SCN3A: variants seen among roughly 807,000 people sequenced by gnomAD.
SCN3A encodes sodium channel protein type 3 subunit alpha.
In SCN3A, 60 loss-of-function variants were observed where a neutral mutation model predicts 187.6. The observed-to-expected ratio is 0.32, with a 90% CI of 0.26 to 0.40. The LOEUF (loss-of-function observed/expected upper bound fraction) is 0.40, where lower values mean the gene tolerates loss of function less well. SCN3A is among the 10% of genes least tolerant of loss of function. The pLI is 1.00. For missense variants in SCN3A, 1,601 were observed against 2,428.2 expected (o/e 0.66, Z 7.16); for synonymous variants, 788 against 829.2 (o/e 0.95, Z 0.85).
At position 165,088,119 on chromosome 2, in the gene SCN3A, C is replaced by G. The variant is rs1057139581; in HGVS notation, c.*2031G>C. On this transcript the variant is annotated 3_prime_UTR_variant, in exon 28 of 28. Transcript: ENST00000283254. The stretch of plus-strand genomic sequence containing the variant: ...ACAGCAAAAAACAAAAACAAAAAAC[C>G]CCAGAGGCCAATAAGTGAAATGCAA... 1 of 152,224 alleles carries G rather than the reference C, an allele frequency of 6.6e-6. No homozygotes were observed. The highest frequency in any genetic ancestry group is 1.5e-5 in the Non-Finnish European group (1 of 67,892). The allele number at this position is 152,224 out of a possible 1,614,324, so 9.4% of individuals were successfully genotyped here.
chr2:165,181,472 CA>C (rs1248619143), intron 2 of SCN3A, among the ~76,000 whole-genome samples: 9 of 151,986 alleles, frequency 5.9e-5, no homozygotes, highest in Admixed American at 2.6e-4. Flanking sequence ...ATATAATATC[CA>C]AAAATCGCAT....
At chr2:165,137,819 C>T (rs1182681979) in intron 15 of SCN3A, 60 bp downstream of exon 15, 3 of 1,276,758 alleles carry the variant, frequency 2.3e-6, no homozygotes, top group African/African-American at 2.9e-5. Context: ...TACATCTTTC[C>T]CTTTGGTCTA....
intron 25 of SCN3A, 126 bp downstream of exon 25, chr2:165,095,385 C>T (rs1333959223): frequency 4.0e-6 from 4 of 991,270 alleles, no homozygotes; most frequent in South Asian, 3.0e-5. Context: ...TAAATAACCA[C>T]ATGGGCAACT....
intron 21 of SCN3A, among the ~76,000 whole-genome samples, chr2:165,102,650 G>A (rs941226022): frequency 6.6e-6 from 1 of 152,200 alleles, no homozygotes; most frequent in Non-Finnish European, 1.5e-5. Flanking sequence ...ATTGTGTGTT[G>A]TTAGAGAAGC....
rs779886421 is a variant in SCN3A, at chr2:165,182,526, G to C, written c.-51+4025C>G. On this transcript the variant is annotated intron_variant, in intron 2 of 27. Coordinates refer to ENST00000283254, the MANE Select transcript of SCN3A (RefSeq NM_006922.4). Reference sequence around the variant, plus strand: ...AAGTTAGGGAGAAAAACCACAGCCAGAGGAGTGTATTTAATGCACAAGTAT... The same window carrying C: ...AAGTTAGGGAGAAAAACCACAGCCACAGGAGTGTATTTAATGCACAAGTAT... Among the ~76,000 whole-genome samples, 31 of 152,176 alleles carry C rather than the reference G, an allele frequency of 2.0e-4. 1 individual carries two copies. The highest frequency in any genetic ancestry group is 3.4e-4 in the Non-Finnish European group (23 of 68,030).
intron 18 of SCN3A, among the ~76,000 whole-genome samples, chr2:165,124,516 T>C (rs1310691016): frequency 6.6e-6 from 1 of 152,160 alleles, no homozygotes; most frequent in Non-Finnish European, 1.5e-5. Context: ...ACTTTATAAT[T>C]ACTTATTTGA....
intron 23 of SCN3A, among the ~76,000 whole-genome samples, chr2:165,096,834 GAC>G (rs1685384763): frequency 6.6e-6 from 1 of 151,916 alleles, no homozygotes; most frequent in South Asian, 2.1e-4. Context: ...TTTGCATTTT[GAC>G]ACATAGTAGA....
intron 10 of SCN3A, 52 bp downstream of exon 10, chr2:165,155,710 T>G: frequency 6.2e-7 from 1 of 1,608,236 alleles, no homozygotes; most frequent in Non-Finnish European, 8.5e-7. Context: ...ATGCTTTTCA[T>G]TTCATACATG....
In SCN3A at chr2:165,163,622, A is replaced by G; in HGVS notation, c.690T>C (p.Ile230=). 6.2e-7 allele frequency: 1 copy of G among 1,613,998 alleles called. No individual in the cohort carries two copies. Among genetic ancestry groups the G allele is most frequent in the African/African-American group, 1.3e-5 (1 of 75,032 alleles). Residue 230 remains isoleucine (I), a synonymous_variant, in exon 7 of 28, where the codon ATT becomes ATC. Coordinates refer to ENST00000283254, the MANE Select transcript of SCN3A (RefSeq NM_006922.4). ...GGTGTTTAACCTAGCTCTCACCTGG[A>G]ATGACTGAAATTGTTTTCAGTGCTC... is the stretch of plus-strand genomic sequence containing the variant. The part of the protein sequence containing the change: ...VLRALKTISV[I]PGLKTIVGAL...
At chr2:165,162,165 G>A in intron 9 of SCN3A, 143 bp downstream of exon 9, 1 of 745,482 alleles carries the variant, frequency 1.3e-6, no homozygotes, top group South Asian at 1.8e-5. Flanking sequence ...CGGTAAGGCA[G>A]ACAAGGCACT....
At chr2:165,095,066 TA>T (rs570236709) in intron 25 of SCN3A, among the ~76,000 whole-genome samples, 5 of 151,078 alleles carry the variant, frequency 3.3e-5, no homozygotes, top group Non-Finnish European at 5.9e-5. Flanking sequence ...CATTCCAGGA[TA>T]AAAAAAAATC....
At chr2:165,196,408 T>C (rs947934249) in intron 1 of SCN3A, among the ~76,000 whole-genome samples, 7 of 152,160 alleles carry the variant, frequency 4.6e-5, no homozygotes, top group African/African-American at 1.7e-4. Flanking sequence ...ATCATTTTAC[T>C]GACCACGTTG....
Position 165,140,773 on chromosome 2 carries a change from T to G in SCN3A, c.1897A>C (p.Arg633=). ...SNVSQASMSS[R]MVPGLPANGK... ...TTTGCTGGAAGCCCTGGCACCATCC[T>G]GGATGACATACTGGCCTGACTAACG... The change falls in exon 13 of 28, where the codon AGG becomes CGG. Residue 633 remains arginine, a synonymous_variant. Transcript: ENST00000283254. This position sits in a 1 kb window ranked among gnomAD's most constrained non-coding sequence, Gnocchi z 4.2. 1 of 1,614,148 alleles carries G rather than the reference T, an allele frequency of 6.2e-7. No individual in the cohort carries two copies. The highest frequency in any genetic ancestry group is 1.3e-5 in the African/African-American group (1 of 75,056).
At chr2:165,141,522 T>A (rs1000050185) in intron 12 of SCN3A, among the ~76,000 whole-genome samples, 9 of 152,212 alleles carry the variant, frequency 5.9e-5, no homozygotes, top group African/African-American at 2.2e-4. Flanking sequence ...AAACTACTAT[T>A]TTTCCATTCT....
chr2:165,137,599 C>T (rs1255911642), intron 15 of SCN3A, among the ~76,000 whole-genome samples: 17 of 151,986 alleles, frequency 1.1e-4, no homozygotes, highest in Admixed American at 1.1e-3. Flanking sequence ...TTATCTGGAC[C>T]CACATTTCCA....
Position 165,090,091 on chromosome 2 carries a change from T to A in SCN3A, c.*59A>T, listed in dbSNP as rs781132447. The A allele has an allele frequency of 1.9e-6, 3 of 1,546,116 alleles. No homozygotes were observed. The highest frequency in any genetic ancestry group is 2.6e-6 in the Non-Finnish European group (3 of 1,146,346). On this transcript the variant is annotated 3_prime_UTR_variant, in exon 28 of 28. Coordinates refer to ENST00000283254, the MANE Select transcript of SCN3A (RefSeq NM_006922.4). The surrounding 1 kb of genome is among the most constrained non-coding windows in gnomAD (Gnocchi z 4.0). ...CTCCTCTTGAAGTCCAGTTGACACA[T>A]ATACTTTACCTTCATAGGCTGTAAA...
intron 2 of SCN3A, among the ~76,000 whole-genome samples, chr2:165,182,728 T>G (rs1690962102): frequency 6.6e-6 from 1 of 152,066 alleles, no homozygotes; most frequent in African/African-American, 2.4e-5. Context: ...CCTGTTCAGT[T>G]TGAGATAGCT....
Position 165,113,906 on chromosome 2 carries a change from C to A in SCN3A, c.3579G>T (p.Trp1193Cys). 1.2e-6 allele frequency: 2 copies of A among 1,613,020 alleles called. No homozygotes were observed. Among genetic ancestry groups the A allele is most frequent in the African/African-American group, 2.7e-5 (2 of 75,002 alleles). The change falls in exon 20 of 28, where the codon TGG becomes TGT. Residue 1193 changes from tryptophan to cysteine, a missense_variant. Trp to Cys is a radical substitution (Grantham distance 215). Coordinates refer to ENST00000283254, the MANE Select transcript of SCN3A (RefSeq NM_006922.4). ...TACTGTAGCAGGTTTTTCGAAGATT[C>A]CACCAGATCTTCCCTTTGCCTTCTT... ...STEEGKGKIW[W>C]NLRKTCYSIV...
In SCN3A at chr2:165,162,581, G is replaced by A. The variant is rs1370331176; in HGVS notation, c.942C>T (p.Asn314=). 6.2e-7 allele frequency: 1 copy of A among 1,614,056 alleles called. No homozygotes were observed. The highest frequency in any genetic ancestry group is 8.5e-7 in the Non-Finnish European group (1 of 1,179,960). Residue 314 remains asparagine (N), a synonymous_variant, in exon 8 of 28, where the codon AAC becomes AAT. Transcript: ENST00000283254. ...TGTCATCTCCAATGTAATCCTTCCA[G>A]TTAAATGTGCTCATTGTTACATTAA... ...TFVNVTMSTF[N]WKDYIGDDSH...
Sources: gnomAD v4.1 joint callset for allele counts (sites outside exome capture counted in the v4.1 genomes callset) on GRCh38, gnomAD v4.1.1 for gene constraint, Gnocchi (gnomAD v3.1) non-coding constraint, MANE v1.5 for transcripts, NCBI Gene and HGNC (gene_info 2026-07-23, HGNC 2026-07-21) for gene names.